The following PPP2R2A variants were observed in gnomAD, a reference collection of about 807,000 sequenced individuals.
PPP2R2A encodes the protein serine/threonine-protein phosphatase 2A 55 kDa regulatory subunit B alpha isoform.
A neutral mutation model predicts 53.2 loss-of-function variants in PPP2R2A; 9 were observed. The ratio of observed to expected loss-of-function variants is 0.17; its 90% CI spans 0.10 to 0.30. PPP2R2A has a LOEUF of 0.30. Ranked by LOEUF, PPP2R2A falls within the 10% of genes least tolerant of loss-of-function variation. The pLI, the probability that PPP2R2A is intolerant of heterozygous loss-of-function variation, is 1.00. For missense variants in PPP2R2A, 235 were observed against 534.6 expected (o/e 0.44, Z 5.53); for synonymous variants, 169 against 174.2 (o/e 0.97, Z 0.23).
chr8:26,334,019 A>G (rs953954059), intron 2 of PPP2R2A, among the ~76,000 whole-genome samples: 1 of 152,266 alleles, frequency 6.6e-6, no homozygotes, highest in Admixed American at 6.5e-5. Flanking sequence ...TTTTTTTTTA[A>G]CAAAAATACT....
rs1361585312 is a variant in PPP2R2A, at chr8:26,291,597, C to G, written c.-223C>G. On this transcript the variant is annotated 5_prime_UTR_variant, in exon 1 of 10. Coordinates refer to ENST00000380737, the MANE Select transcript of PPP2R2A (RefSeq NM_002717.4). ...CTGTCGTAGTCGCCGCCGCCGCTGC[C>G]GGAGAAAGAGCACGAGCGGGGAAGC... 7.1e-6 allele frequency: 4 copies of G among 565,574 alleles called. No homozygotes were observed. The highest frequency in any genetic ancestry group is 1.2e-5 in the Non-Finnish European group (4 of 321,460). The allele number at this position is 565,574 out of a possible 1,614,324, so 35.0% of individuals were successfully genotyped here.
At chr8:26,341,430 C>T (rs1803939481) in intron 3 of PPP2R2A, among the ~76,000 whole-genome samples, 1 of 151,846 alleles carries the variant, frequency 6.6e-6, no homozygotes, top group Non-Finnish European at 1.5e-5. Flanking sequence ...TGTTTCAATA[C>T]CTAATGTAAT....
Position 26,342,156 on chromosome 8 carries a change from T to G in PPP2R2A, c.180+3169T>G, listed in dbSNP as rs1803974305. 1.3e-5 allele frequency among the ~76,000 whole-genome samples: 2 copies of G among 152,186 alleles called. 1 individual carries two copies. Among genetic ancestry groups the G allele is most frequent in the South Asian group, 4.1e-4 (2 of 4,834 alleles). ...GCTACACGGAATCTCTGTTGTAGAATCAGGGCACCTAAAGAAATTGAGGCA... is the reference window on the plus strand; with the variant it reads ...GCTACACGGAATCTCTGTTGTAGAAGCAGGGCACCTAAAGAAATTGAGGCA... On this transcript the variant is annotated intron_variant, in intron 3 of 9. Coordinates refer to ENST00000380737, the MANE Select transcript of PPP2R2A (RefSeq NM_002717.4).
At chr8:26,328,027 C>T (rs1412542136) in intron 2 of PPP2R2A, among the ~76,000 whole-genome samples, 1 of 152,226 alleles carries the variant, frequency 6.6e-6, no homozygotes. Flanking sequence ...TCCTCCCCCT[C>T]ATCTGAACAA....
rs1805686696 is a variant in PPP2R2A at position 26,372,082 on chromosome 8, T to C, written c.*1669T>C. On this transcript the variant is annotated 3_prime_UTR_variant, in exon 10 of 10. Transcript: ENST00000380737. ...ATTCAACGAGCCGACCGTGATTCCC[T>C]CTACTACAAATATTATGTCTTGTAA... 1 of 152,216 alleles carries C rather than the reference T, an allele frequency of 6.6e-6. No homozygotes were observed. The highest frequency in any genetic ancestry group is 6.5e-5 in the Admixed American group (1 of 15,284). The allele number at this position is 152,216 out of a possible 1,614,324, so 9.4% of individuals were successfully genotyped here. A position where few individuals can be genotyped will look rare whatever the true frequency, so the allele number is the denominator to read the frequency against.
intron 2 of PPP2R2A, among the ~76,000 whole-genome samples, chr8:26,302,997 G>C (rs979901748): frequency 6.6e-6 from 1 of 152,206 alleles, no homozygotes; most frequent in African/African-American, 2.4e-5. Context: ...TCTGTTCATA[G>C]ATTTCATTTT....
chr8:26,355,275 G>A (rs1000981455), intron 4 of PPP2R2A, among the ~76,000 whole-genome samples: 5 of 152,054 alleles, frequency 3.3e-5, no homozygotes, highest in Non-Finnish European at 7.4e-5. Context: ...ATTTTTTGTT[G>A]TTTTTTGAGA....
At chr8:26,315,304 C>T (rs1021581823) in intron 2 of PPP2R2A, among the ~76,000 whole-genome samples, 1 of 151,900 alleles carries the variant, frequency 6.6e-6, no homozygotes, top group African/African-American at 2.4e-5. Context: ...GCCAGGGACC[C>T]GCAGTCAGTA....
At chr8:26,343,355 A>G (rs1170928964) in intron 3 of PPP2R2A, among the ~76,000 whole-genome samples, 1 of 151,730 alleles carries the variant, frequency 6.6e-6, no homozygotes, top group East Asian at 1.9e-4. Flanking sequence ...ATAGCCTAGT[A>G]AATCCTGTAG....
rs543448715 is a variant in PPP2R2A, at chr8:26,292,421, G to A, written c.7+595G>A. 4.1e-6 allele frequency: 4 copies of A among 985,520 alleles called. No individual in the cohort carries two copies. In the Admixed American group the frequency reaches 1.8e-4, roughly 45 times the overall value. The allele number at this position is 985,520 out of a possible 1,614,324, so 61.0% of individuals were successfully genotyped here. A position where few individuals can be genotyped will look rare whatever the true frequency, so the allele number is the denominator to read the frequency against. On this transcript the variant is annotated intron_variant, in intron 1 of 9. Transcript: ENST00000380737. ...TTTCCGTTTCTTCCCTTTTACCGCC[G>A]AAGAGTGCAAGGCCTTTCATGTACA...
chr8:26,360,212 A>G lies in PPP2R2A; in HGVS notation c.390A>G (p.Arg130=). 6.2e-7 allele frequency: 1 copy of G among 1,610,852 alleles called. No homozygotes were observed. Among genetic ancestry groups the G allele is most frequent in the Non-Finnish European group, 8.5e-7 (1 of 1,177,656 alleles). Residue 130 remains arginine (R), a synonymous_variant, in exon 5 of 10, where the codon AGA becomes AGG. Transcript: ENST00000380737. This position sits in a 1 kb window ranked among gnomAD's most constrained non-coding sequence, Gnocchi z 4.5. ...KLWKISERDK[R]PEGYNLKEED... is the part of the protein sequence containing the mutation. The stretch of plus-strand genomic sequence containing the variant: ...GGAAAATCAGTGAAAGGGACAAAAG[A>G]CCAGAAGGGTATAACTTGAAAGAGG...
At chr8:26,292,858 T>TTG (rs1483013086) in intron 1 of PPP2R2A, among the ~76,000 whole-genome samples, 1 of 152,232 alleles carries the variant, frequency 6.6e-6, no homozygotes, top group Non-Finnish European at 1.5e-5. Flanking sequence ...CATTCCGAGA[T>TTG]GAGACCAGTT....
chr8:26,342,702 G>C (rs566033098), intron 3 of PPP2R2A, among the ~76,000 whole-genome samples: 1 of 151,848 alleles, frequency 6.6e-6, no homozygotes, highest in Non-Finnish European at 1.5e-5. Flanking sequence ...TGTTTTCTAG[G>C]GCTGCTGGTA....
At chr8:26,334,556 T>C (rs1803554629) in intron 2 of PPP2R2A, among the ~76,000 whole-genome samples, 1 of 152,024 alleles carries the variant, frequency 6.6e-6, no homozygotes, top group Non-Finnish European at 1.5e-5. Context: ...CCATCCTGGC[T>C]AACACGGTGA....
In PPP2R2A at chr8:26,371,342, A is replaced by G. The variant is rs923910580; in HGVS notation, c.*929A>G. The G allele has an allele frequency of 6.8e-6, 1 of 148,094 alleles. No homozygotes were observed. The highest frequency in any genetic ancestry group is 6.8e-5 in the Admixed American group (1 of 14,670). The allele number at this position is 148,094 out of a possible 1,614,324, so 9.2% of individuals were successfully genotyped here. ...GGTTTTATTAAGGATTTCACAATCT[A>G]TAAATGCTACTAGTTTTTTTTTTTT... On this transcript the variant is annotated 3_prime_UTR_variant, in exon 10 of 10. Transcript: ENST00000380737.
rs759214090 is a variant in PPP2R2A at position 26,291,865 on chromosome 8, G to C, written c.7+39G>C. ...CCCCCTCGCCCCCTGACAAGGCACC[G>C]CTTCCTTATTCCTCCCTCCATCACC... On this transcript the variant is annotated intron_variant, in intron 1 of 9. Coordinates refer to ENST00000380737, the MANE Select transcript of PPP2R2A (RefSeq NM_002717.4). 5 of 1,606,376 alleles carry C rather than the reference G, an allele frequency of 3.1e-6. No individual in the cohort carries two copies. The Admixed American group carries it at 8.5e-5, about 27-fold the overall frequency.
chr8:26,314,388 A>G (rs1454537985), intron 2 of PPP2R2A, among the ~76,000 whole-genome samples: 5 of 152,068 alleles, frequency 3.3e-5, no homozygotes, highest in Non-Finnish European at 7.4e-5. Context: ...CATCATTATC[A>G]TTGTGATCAT....
At position 26,370,054 on chromosome 8, in the gene PPP2R2A, G is replaced by A; in HGVS notation, c.1065-80G>A. On this transcript the variant is annotated intron_variant, in intron 9 of 9. Transcript: ENST00000380737. The surrounding 1 kb of genome is among the most constrained non-coding windows in gnomAD (Gnocchi z 6.1). The stretch of plus-strand genomic sequence containing the variant: ...ATCTGCTTTTGAAGTAGCTTCCTAT[G>A]GTTTAATTGCCGAATCATTTTACTT... 1 of 1,445,510 alleles carries A rather than the reference G, an allele frequency of 6.9e-7. No homozygotes were observed. The highest frequency in any genetic ancestry group is 9.5e-7 in the Non-Finnish European group (1 of 1,051,984). 89.5% of individuals were successfully genotyped at this position (1,445,510 alleles called of 1,614,324 possible). A position where few individuals can be genotyped will look rare whatever the true frequency, so the allele number is the denominator to read the frequency against.
At position 26,370,009 on chromosome 8, in the gene PPP2R2A, G is replaced by A; in HGVS notation, c.1065-125G>A. The A allele has an allele frequency of 2.2e-6, 2 of 914,318 alleles. No homozygotes were observed. Among genetic ancestry groups the A allele is most frequent in the East Asian group, 2.6e-5 (1 of 38,850 alleles). The allele number at this position is 914,318 out of a possible 1,614,324, so 56.6% of individuals were successfully genotyped here. On this transcript the variant is annotated intron_variant, in intron 9 of 9. Transcript: ENST00000380737. This position sits in a 1 kb window ranked among gnomAD's most constrained non-coding sequence, Gnocchi z 6.1. ...TCTAGTGATTGAGTTGATGTCAACA[G>A]CCCCTGTCCCTTAGTTTAAATCTGC... is the stretch of plus-strand genomic sequence containing the variant.
Sources: gnomAD v4.1 joint callset for allele counts (sites outside exome capture counted in the v4.1 genomes callset) on GRCh38, gnomAD v4.1.1 for gene constraint, Gnocchi (gnomAD v3.1) non-coding constraint, MANE v1.5 for transcripts, NCBI Gene and HGNC (gene_info 2026-07-23, HGNC 2026-07-21) for gene names.